Variants in CLDN14 observed in about 807,000 individuals in gnomAD.
CLDN14 encodes the protein claudin 14.
CLDN14 carries 2 observed loss-of-function variants against 2.1 expected under a neutral mutation model. That is an observed-to-expected ratio of 0.96 (90% CI 0.39 to 3.01). The LOEUF (loss-of-function observed/expected upper bound fraction) is 3.01, where lower values mean the gene tolerates loss of function less well. Ranked by LOEUF, CLDN14 falls within the 30% of genes most tolerant of loss-of-function variation. The probability of loss-of-function intolerance (pLI) is 0.09; values close to 1 mark genes in which losing one functional copy is unlikely to be tolerated. For synonymous variants in CLDN14, 136 were observed against 154.4 expected, an observed-to-expected ratio of 0.88 and a Z score of 0.88; for missense variants, 298 against 328.0, an observed-to-expected ratio of 0.91 and a Z score of 0.71.
At position 36,563,625 on chromosome 21, in the gene CLDN14, T is replaced by C. The variant is rs556857236; in HGVS notation, c.-220+12786A>G. On this transcript the variant is annotated intron_variant, in intron 1 of 2. Coordinates refer to the CLDN14 transcript ENST00000342108. ...ATCTAGACATGTGCTTAAAGAGGAA[T>C]TTTTCCCCTTGTTGATTTTATGTAG... 1.9e-4 allele frequency among the ~76,000 whole-genome samples: 29 copies of C among 152,272 alleles called. No homozygotes were observed. The South Asian group carries it at 5.6e-3, about 29-fold the overall frequency.
At chr21:36,567,950 G>A (rs2087684723) in intron 1 of CLDN14, among the ~76,000 whole-genome samples, 2 of 152,068 alleles carry the variant, frequency 1.3e-5, no homozygotes, top group Non-Finnish European at 2.9e-5. Flanking sequence ...CACAAATAAA[G>A]ATGTTTCCTT....
At chr21:36,560,443 T>C (rs1273836561) in intron 1 of CLDN14, among the ~76,000 whole-genome samples, 1 of 152,216 alleles carries the variant, frequency 6.6e-6, no homozygotes, top group Non-Finnish European at 1.5e-5. Context: ...GTTGGCAGTG[T>C]TCTAACTTTC....
intron 1 of CLDN14, among the ~76,000 whole-genome samples, chr21:36,564,237 A>G (rs140353470): frequency 6.6e-6 from 1 of 152,380 alleles, no homozygotes; most frequent in African/African-American, 2.4e-5. Flanking sequence ...ATATGTGTCA[A>G]GAAGGATGCC....
At chr21:36,513,905 C>T (rs370973792) in intron 1 of CLDN14, among the ~76,000 whole-genome samples, 3 of 152,288 alleles carry the variant, frequency 2.0e-5, no homozygotes, top group East Asian at 1.9e-4. Flanking sequence ...GACCTCCGCT[C>T]GCTGCAGCCT....
intron 2 of CLDN14, among the ~76,000 whole-genome samples, chr21:36,488,514 C>G (rs984358249): frequency 1.1e-4 from 16 of 152,088 alleles, no homozygotes; most frequent in Admixed American, 9.8e-4. Context: ...TCGTGATCCA[C>G]CCTCCTCGGC....
chr21:36,564,178 T>C (rs1366452533), intron 1 of CLDN14, among the ~76,000 whole-genome samples: 1 of 152,246 alleles, frequency 6.6e-6, no homozygotes, highest in East Asian at 1.9e-4. Flanking sequence ...ATTAGCCTTT[T>C]CTTGCAGTGT....
At chr21:36,512,967 A>G (rs918020823) in intron 1 of CLDN14, among the ~76,000 whole-genome samples, 1 of 152,236 alleles carries the variant, frequency 6.6e-6, no homozygotes, top group Non-Finnish European at 1.5e-5. Context: ...ATTGATGCCA[A>G]GGGGTAACCC....
At chr21:36,571,957 G>C (rs894957619) in intron 1 of CLDN14, among the ~76,000 whole-genome samples, 29 of 152,116 alleles carry the variant, frequency 1.9e-4, no homozygotes, top group African/African-American at 5.3e-4. Flanking sequence ...AAAGGATAGA[G>C]TTCAACTGAG....
At chr21:36,523,004 G>A (rs976513580) in intron 1 of CLDN14, among the ~76,000 whole-genome samples, 5 of 152,148 alleles carry the variant, frequency 3.3e-5, no homozygotes, top group African/African-American at 4.8e-5. Flanking sequence ...TGTCACTGCG[G>A]AGGCTGAACC....
intron 1 of CLDN14, among the ~76,000 whole-genome samples, chr21:36,573,892 A>G (rs2087725454): frequency 1.3e-5 from 2 of 152,200 alleles, no homozygotes; most frequent in South Asian, 4.1e-4. Flanking sequence ...AAACTATAAG[A>G]CATTTCTGAG....
At chr21:36,535,603 A>T (rs2087417700) in intron 1 of CLDN14, among the ~76,000 whole-genome samples, 1 of 152,186 alleles carries the variant, frequency 6.6e-6, no homozygotes, top group African/African-American at 2.4e-5. Flanking sequence ...CATCTAAATG[A>T]CATGTATAGT....
chr21:36,506,528 C>A (rs57929193), intron 2 of CLDN14, among the ~76,000 whole-genome samples: 2 of 147,368 alleles, frequency 1.4e-5, no homozygotes, highest in Non-Finnish European at 3.0e-5. Flanking sequence ...ACCGGGGGGG[C>A]GGAGGTTGCA....
chr21:36,502,395 T>C (rs1267463145), intron 2 of CLDN14, among the ~76,000 whole-genome samples: 1 of 152,170 alleles, frequency 6.6e-6, no homozygotes, highest in Non-Finnish European at 1.5e-5. Flanking sequence ...TCAAGAGCAT[T>C]ATGCCATCTC....
chr21:36,538,607 C>T (rs971804466), intron 1 of CLDN14, among the ~76,000 whole-genome samples: 6 of 146,654 alleles, frequency 4.1e-5, no homozygotes, highest in South Asian at 2.3e-4. Context: ...AGCGAGACAT[C>T]GTCTCAAAGG....
chr21:36,527,027 A>T (rs1469648061), intron 1 of CLDN14, among the ~76,000 whole-genome samples: 1 of 152,230 alleles, frequency 6.6e-6, no homozygotes, highest in Non-Finnish European at 1.5e-5. Flanking sequence ...ATTTTCAACT[A>T]CAGAGATCAT....
intron 1 of CLDN14, among the ~76,000 whole-genome samples, chr21:36,537,341 C>G (rs1405358277): frequency 6.6e-6 from 1 of 152,082 alleles, no homozygotes; most frequent in Non-Finnish European, 1.5e-5. Context: ...GGAGACTGTT[C>G]TAGATTGAAG....
chr21:36,517,787 A>G (rs77409573), intron 1 of CLDN14, among the ~76,000 whole-genome samples: 1,984 of 152,274 alleles, frequency 0.013, 20 homozygotes, highest in Middle Eastern at 0.024. Context: ...GGATGTTTTC[A>G]TGAGGGTTTT....
chr21:36,544,536 G>A lies in CLDN14; in HGVS notation c.-220+31875C>T, dbSNP rs1355059359. ...AAGGAGAGGCAAATTTGAGGCTGGGGAGAATTTGAATTTTCCTGTGCACTA... is the reference window on the plus strand; with the variant it reads ...AAGGAGAGGCAAATTTGAGGCTGGGAAGAATTTGAATTTTCCTGTGCACTA... On this transcript the variant is annotated intron_variant, in intron 1 of 2. Transcript: ENST00000342108. The surrounding 1 kb of genome is among the most constrained non-coding windows in gnomAD (Gnocchi z 4.1). Among the ~76,000 whole-genome samples, 6 of 152,206 alleles carry A rather than the reference G, an allele frequency of 3.9e-5. No homozygotes were observed. Among genetic ancestry groups the A allele is most frequent in the Non-Finnish European group, 8.8e-5 (6 of 68,042 alleles).
At chr21:36,563,352 ATGT>A (rs2087650737) in intron 1 of CLDN14, among the ~76,000 whole-genome samples, 2 of 152,012 alleles carry the variant, frequency 1.3e-5, no homozygotes, top group Non-Finnish European at 2.9e-5. Flanking sequence ...CCAACTGGAT[ATGT>A]TGGCCTGGTT....
Sources: gnomAD v4.1 joint callset for allele counts (sites outside exome capture counted in the v4.1 genomes callset) on GRCh38, gnomAD v4.1.1 for gene constraint, Gnocchi (gnomAD v3.1) non-coding constraint, MANE v1.5 for transcripts, NCBI Gene and HGNC (gene_info 2026-07-23, HGNC 2026-07-21) for gene names.